The following COX7B2 variants were observed in gnomAD, a reference collection of about 807,000 sequenced individuals.
COX7B2 encodes the protein cytochrome c oxidase subunit 7B2, mitochondrial.
For missense variants in COX7B2, 109 were observed against 95.9 expected (o/e 1.14, Z -0.57); for synonymous variants, 37 against 32.1 (o/e 1.15, Z -0.51).
chr4:46,793,914 C>T (rs36039702), intron 2 of COX7B2, among the ~76,000 whole-genome samples: 2 of 152,158 alleles, frequency 1.3e-5, no homozygotes, highest in African/African-American at 4.8e-5. Flanking sequence ...TGGTCTCCCC[C>T]CTTTGGCTGT....
chr4:46,775,741 T>G (rs1389566247), intron 2 of COX7B2, among the ~76,000 whole-genome samples: 1 of 152,086 alleles, frequency 6.6e-6, no homozygotes, highest in Non-Finnish European at 1.5e-5. Context: ...CAAATTAGAA[T>G]AGGAATTTAT....
At chr4:46,907,566 A>G (rs1160755896) in intron 1 of COX7B2, among the ~76,000 whole-genome samples, 3 of 152,114 alleles carry the variant, frequency 2.0e-5, no homozygotes, top group Non-Finnish European at 4.4e-5. Context: ...TCTTTACAAG[A>G]AGGGTTCCCA....
At chr4:46,844,504 C>T (rs1577647382) in intron 2 of COX7B2, among the ~76,000 whole-genome samples, 2 of 152,038 alleles carry the variant, frequency 1.3e-5, no homozygotes, top group Admixed American at 1.3e-4. Flanking sequence ...AAATATACAA[C>T]CACACCAGGG....
At chr4:46,841,456 T>G (rs1285232291) in intron 2 of COX7B2, among the ~76,000 whole-genome samples, 1 of 151,750 alleles carries the variant, frequency 6.6e-6, no homozygotes, top group Non-Finnish European at 1.5e-5. Context: ...CTTCACTCAT[T>G]CATTGGTTCT....
At chr4:46,878,882 A>G (rs919440598) in intron 1 of COX7B2, among the ~76,000 whole-genome samples, 26 of 152,092 alleles carry the variant, frequency 1.7e-4, no homozygotes, top group African/African-American at 5.8e-4. Flanking sequence ...ACTTAACCAC[A>G]CAGACACGCC....
chr4:46,862,171 T>G (rs891119758), intron 1 of COX7B2, among the ~76,000 whole-genome samples: 9 of 152,176 alleles, frequency 5.9e-5, no homozygotes, highest in Non-Finnish European at 2.9e-5. Flanking sequence ...TCTCTCCCCT[T>G]ATTAAAAAGG....
intron 2 of COX7B2, among the ~76,000 whole-genome samples, chr4:46,763,399 A>C (rs1057093646): frequency 4.0e-5 from 6 of 151,248 alleles, no homozygotes; most frequent in Non-Finnish European, 8.8e-5. Flanking sequence ...CCAAGTGTTG[A>C]ATCCTGTTCC....
intron 1 of COX7B2, among the ~76,000 whole-genome samples, chr4:46,872,000 T>C (rs1380049918): frequency 6.6e-6 from 1 of 152,154 alleles, no homozygotes; most frequent in Non-Finnish European, 1.5e-5. Flanking sequence ...TAAAACAGTC[T>C]ACCATAAAGA....
intron 2 of COX7B2, among the ~76,000 whole-genome samples, chr4:46,762,003 T>A (rs1415673483): frequency 6.6e-6 from 1 of 151,530 alleles, no homozygotes. Flanking sequence ...ATCTCATAAA[T>A]GCTAGTGTCA....
At chr4:46,793,950 G>T (rs1718186337) in intron 2 of COX7B2, among the ~76,000 whole-genome samples, 1 of 152,204 alleles carries the variant, frequency 6.6e-6, no homozygotes, top group East Asian at 1.9e-4. Flanking sequence ...AGTGGTATTG[G>T]TTTTTCCACC....
chr4:46,778,195 G>T (rs2109541542), intron 2 of COX7B2, among the ~76,000 whole-genome samples: 1 of 152,176 alleles, frequency 6.6e-6, no homozygotes, highest in Non-Finnish European at 1.5e-5. Flanking sequence ...TAAGAACTTT[G>T]AAAATTTCAA....
At chr4:46,890,294 G>C (rs1168008831) in intron 1 of COX7B2, among the ~76,000 whole-genome samples, 1 of 152,186 alleles carries the variant, frequency 6.6e-6, no homozygotes, top group East Asian at 1.9e-4. Flanking sequence ...GCAACTAGCT[G>C]CGAACTATAA....
At chr4:46,763,344 G>A (rs1361652902) in intron 2 of COX7B2, among the ~76,000 whole-genome samples, 2 of 149,792 alleles carry the variant, frequency 1.3e-5, no homozygotes, top group Non-Finnish European at 3.0e-5. Flanking sequence ...CTTTTCTCAT[G>A]TTTGTGTATG....
chr4:46,790,473 TTTATTAC>T (rs149620978), intron 2 of COX7B2, among the ~76,000 whole-genome samples: 3,236 of 152,274 alleles, frequency 0.021, 101 homozygotes, highest in African/African-American at 0.074. Flanking sequence ...ATACAGGTAA[TTTATTAC>T]TTATTATTGC....
At chr4:46,741,736 A>G (rs557770646) in intron 2 of COX7B2, among the ~76,000 whole-genome samples, 44 of 152,224 alleles carry the variant, frequency 2.9e-4, no homozygotes, top group African/African-American at 1.1e-3. Flanking sequence ...AAAAAGTTGA[A>G]CTAATTTAGT....
At chr4:46,834,397 T>C (rs571842030) in intron 2 of COX7B2, among the ~76,000 whole-genome samples, 1 of 152,220 alleles carries the variant, frequency 6.6e-6, no homozygotes, top group African/African-American at 2.4e-5. Flanking sequence ...ATAACTAAAC[T>C]AGTATAGTGC....
chr4:46,793,685 G>A lies in COX7B2; in HGVS notation c.-50+51275C>T, dbSNP rs748596494. Among the ~76,000 whole-genome samples, 37 of 152,340 alleles carry A rather than the reference G, an allele frequency of 2.4e-4. 1 individual carries two copies. Among genetic ancestry groups the A allele is most frequent in the South Asian group, 1.7e-3 (8 of 4,828 alleles). On this transcript the variant is annotated intron_variant, in intron 2 of 2. Coordinates refer to ENST00000355591, the MANE Select transcript of COX7B2 (RefSeq NM_130902.3). ...CCTTAGCTCCTATAGCCACAGGGCTGAGACTGCTGAAGATCAAACAGAGAA... is the reference window on the plus strand; with the variant it reads ...CCTTAGCTCCTATAGCCACAGGGCTAAGACTGCTGAAGATCAAACAGAGAA...
intron 2 of COX7B2, among the ~76,000 whole-genome samples, chr4:46,779,588 G>A (rs773867519): frequency 1.9e-4 from 29 of 151,940 alleles, no homozygotes; most frequent in Non-Finnish European, 7.4e-5. Flanking sequence ...TTTTGAATTC[G>A]TTCAGAACCT....
At chr4:46,822,302 G>C (rs1038518118) in intron 2 of COX7B2, among the ~76,000 whole-genome samples, 5 of 152,190 alleles carry the variant, frequency 3.3e-5, no homozygotes, top group Admixed American at 6.5e-5. Context: ...AACTAACATG[G>C]CGTAAGCCTC....
Sources: allele counts gnomAD v4.1 joint callset (sites outside exome capture counted in the v4.1 genomes callset), GRCh38; gene constraint gnomAD v4.1.1; transcripts MANE v1.5; gene names NCBI Gene and HGNC (gene_info 2026-07-23, HGNC 2026-07-21).